The following CACNA1E variants were observed in gnomAD, a reference collection of about 807,000 sequenced individuals.
The protein encoded by CACNA1E is calcium voltage-gated channel subunit alpha1 E.
In CACNA1E, 40 loss-of-function variants were observed where a neutral mutation model predicts 259.2. The observed-to-expected ratio is 0.15, with a 90% CI of 0.12 to 0.20. CACNA1E has a LOEUF of 0.20. CACNA1E is among the 10% of genes least tolerant of loss of function. The pLI, the probability that CACNA1E is intolerant of heterozygous loss-of-function variation, is 1.00. For synonymous variants in CACNA1E, 1,104 were observed against 1,138.5 expected (o/e 0.97, Z 0.61); for missense variants, 1,874 against 3,040.1 (o/e 0.62, Z 9.02).
At chr1:181,321,464 G>A (rs184105397) in intron 1 of CACNA1E, among the ~76,000 whole-genome samples, 38 of 152,308 alleles carry the variant, frequency 2.5e-4, no homozygotes, top group Admixed American at 7.2e-4. Context: ...CTTCTCTCAG[G>A]ATCATAGTCA....
At chr1:181,347,480 T>G (rs1652683416) in intron 1 of CACNA1E, among the ~76,000 whole-genome samples, 1 of 152,174 alleles carries the variant, frequency 6.6e-6, no homozygotes, top group Non-Finnish European at 1.5e-5. Flanking sequence ...GCAGATAGAA[T>G]TCCTACTAGA....
chr1:181,491,829 G>A (rs1664342937), intron 1 of CACNA1E, among the ~76,000 whole-genome samples: 1 of 152,206 alleles, frequency 6.6e-6, no homozygotes, highest in Non-Finnish European at 1.5e-5. Context: ...CACATGGTGA[G>A]CATTCAGTAA....
At chr1:181,515,391 C>A (rs539920572) in intron 3 of CACNA1E, among the ~76,000 whole-genome samples, 59 of 152,272 alleles carry the variant, frequency 3.9e-4, no homozygotes, top group African/African-American at 1.3e-3. Flanking sequence ...TGATTTCTTC[C>A]TTAAATGGCT....
At chr1:181,461,593 T>C (rs973839351) in intron 2 of CACNA1E, among the ~76,000 whole-genome samples, 3 of 151,540 alleles carry the variant, frequency 2.0e-5, no homozygotes, top group Non-Finnish European at 4.4e-5. Flanking sequence ...TAGATGATAG[T>C]TTCTAATACT....
chr1:181,690,505 C>G (rs1020288174), intron 7 of CACNA1E, among the ~76,000 whole-genome samples: 5 of 152,098 alleles, frequency 3.3e-5, no homozygotes, highest in African/African-American at 1.2e-4. Context: ...TTTTCCAATT[C>G]TGTGAAGAAA....
In CACNA1E at chr1:181,787,877, T is replaced by C. The variant is rs76208584; in HGVS notation, c.5786+2058T>C. Among the ~76,000 whole-genome samples the C allele has an allele frequency of 2.8e-3, 429 of 152,264 alleles. 2 individuals carry two copies. The highest frequency in any genetic ancestry group is 0.01 in the African/African-American group (417 of 41,548). On this transcript the variant is annotated intron_variant, in intron 43 of 47. Coordinates refer to ENST00000367573, the MANE Select transcript of CACNA1E (RefSeq NM_001205293.3). The stretch of plus-strand genomic sequence containing the variant: ...GAGCATGGAGAGCTCAGGGGATGTG[T>C]TAAGTTATGGATTTGGAGAGATACA...
intron 37 of CACNA1E, among the ~76,000 whole-genome samples, chr1:181,773,346 G>A (rs1204684453): frequency 6.6e-6 from 1 of 152,118 alleles, no homozygotes; most frequent in African/African-American, 2.4e-5. Context: ...CCTGGGCCAA[G>A]ACACTTTCCC....
chr1:181,725,676 G>A (rs745821988), intron 17 of CACNA1E, among the ~76,000 whole-genome samples: 1 of 152,210 alleles, frequency 6.6e-6, no homozygotes, highest in South Asian at 2.1e-4. Flanking sequence ...TGCCTGGAAG[G>A]CCCCTGCTCC....
intron 6 of CACNA1E, among the ~76,000 whole-genome samples, chr1:181,618,982 A>G (rs1227107707): frequency 1.3e-5 from 2 of 152,194 alleles, no homozygotes; most frequent in Non-Finnish European, 2.9e-5. Context: ...ATTTCAGTTT[A>G]TTAGATGAGG....
chr1:181,695,967 T>C (rs1651659726), intron 7 of CACNA1E, among the ~76,000 whole-genome samples: 1 of 152,048 alleles, frequency 6.6e-6, no homozygotes, highest in African/African-American at 2.4e-5. Context: ...ATAAATAAAT[T>C]AATAAATAAG....
intron 10 of CACNA1E, 101 bp downstream of exon 10, chr1:181,716,230 G>T (rs746379398): frequency 9.3e-6 from 6 of 645,854 alleles, no homozygotes; most frequent in Non-Finnish European, 1.6e-5. Flanking sequence ...AATCCAAAGG[G>T]TCCAGAATTT....
intron 6 of CACNA1E, among the ~76,000 whole-genome samples, chr1:181,615,128 T>C (rs1028236966): frequency 6.6e-6 from 1 of 152,348 alleles, no homozygotes; most frequent in East Asian, 1.9e-4. Flanking sequence ...AGTCATCCAT[T>C]CATTATATAC....
chr1:181,777,933 C>T (rs185138221), intron 38 of CACNA1E, among the ~76,000 whole-genome samples: 38 of 152,304 alleles, frequency 2.5e-4, no homozygotes, highest in African/African-American at 8.9e-4. Flanking sequence ...TCCTTGGCTT[C>T]CAGAAACCCC....
intron 3 of CACNA1E, among the ~76,000 whole-genome samples, chr1:181,557,949 G>A (rs1019689549): frequency 5.9e-5 from 9 of 152,224 alleles, no homozygotes; most frequent in Admixed American, 5.9e-4. Context: ...TGCCTCTGCA[G>A]TGTTTTTGAA....
intron 7 of CACNA1E, among the ~76,000 whole-genome samples, chr1:181,700,785 A>G (rs751755579): frequency 3.3e-5 from 5 of 152,228 alleles, no homozygotes; most frequent in Non-Finnish European, 7.3e-5. Context: ...TGGAAAGGAC[A>G]GCGAGTGGAA....
intron 25 of CACNA1E, among the ~76,000 whole-genome samples, chr1:181,741,720 G>T (rs1302983739): frequency 6.6e-6 from 1 of 152,212 alleles, no homozygotes. Context: ...CAGTAGAGCT[G>T]TCATCTGTCT....
chr1:181,417,195 A>C (rs778667375), intron 2 of CACNA1E, among the ~76,000 whole-genome samples: 1 of 151,802 alleles, frequency 6.6e-6, no homozygotes, highest in African/African-American at 2.4e-5. Context: ...CCTTTTCACT[A>C]TCCCCTTCCC....
chr1:181,481,335 T>TACAC (rs113766656), upstream of CACNA1E, among the ~76,000 whole-genome samples: 16,734 of 145,354 alleles, frequency 0.12, 956 homozygotes, highest in South Asian at 0.16. Flanking sequence ...AGAATTTTCC[T>TACAC]ACACACACAC....
At chr1:181,602,428 A>G (rs1193084870) in intron 6 of CACNA1E, among the ~76,000 whole-genome samples, 1 of 152,206 alleles carries the variant, frequency 6.6e-6, no homozygotes, top group African/African-American at 2.4e-5. Flanking sequence ...GAAATCTGAA[A>G]TGCTCCAATG....
Sources: allele counts gnomAD v4.1 joint callset (sites outside exome capture counted in the v4.1 genomes callset), GRCh38; gene constraint gnomAD v4.1.1; transcripts MANE v1.5; gene names NCBI Gene and HGNC (gene_info 2026-07-23, HGNC 2026-07-21).